OTUD7A: variants seen among roughly 807,000 people sequenced by gnomAD.
The protein encoded by OTUD7A is OTU deubiquitinase 7A.
In OTUD7A, 12 loss-of-function variants were observed where a neutral mutation model predicts 65.7. That is an observed-to-expected ratio of 0.18 (90% CI 0.12 to 0.30). The LOEUF (loss-of-function observed/expected upper bound fraction) is 0.30. OTUD7A is among the 10% of genes least tolerant of loss of function. OTUD7A has a pLI of 1.00. For synonymous variants in OTUD7A, 641 were observed against 586.3 expected (o/e 1.09, Z -1.35); for missense variants, 1,148 against 1,304.8 (o/e 0.88, Z 1.85).
intron 1 of OTUD7A, among the ~76,000 whole-genome samples, chr15:31,855,810 A>G (rs1425769211): frequency 1.3e-5 from 2 of 152,268 alleles, no homozygotes; most frequent in Non-Finnish European, 2.9e-5. Flanking sequence ...CAAATGCAAC[A>G]TTAATAAACA....
At chr15:31,540,889 C>T (rs538662394) in intron 5 of OTUD7A, among the ~76,000 whole-genome samples, 1 of 152,270 alleles carries the variant, frequency 6.6e-6, no homozygotes, top group South Asian at 2.1e-4. Context: ...ACACAGAGTG[C>T]CTGGTGCTGC....
At chr15:31,746,289 AAATG>A (rs2141378376) in intron 1 of OTUD7A, among the ~76,000 whole-genome samples, 1 of 152,318 alleles carries the variant, frequency 6.6e-6, no homozygotes, top group East Asian at 1.9e-4. Flanking sequence ...AAAACAACCC[AAATG>A]TCCATCAAGA....
chr15:31,736,788 C>T (rs1277915186), intron 1 of OTUD7A, among the ~76,000 whole-genome samples: 1 of 149,964 alleles, frequency 6.7e-6, no homozygotes, highest in Non-Finnish European at 1.5e-5. Context: ...ATTTGTATGA[C>T]TTTGTATTTG....
chr15:31,748,346 A>T (rs1381597507), intron 1 of OTUD7A, among the ~76,000 whole-genome samples: 2 of 151,862 alleles, frequency 1.3e-5, no homozygotes, highest in African/African-American at 2.4e-5. Flanking sequence ...CACACATATA[A>T]ATATATATTC....
Position 31,805,410 on chromosome 15 carries a change from C to T in OTUD7A, c.-100+65097G>A, listed in dbSNP as rs537813260. Among the ~76,000 whole-genome samples the T allele has an allele frequency of 7.2e-5, 11 of 152,310 alleles. No individual in the cohort carries two copies. The South Asian group carries it at 2.3e-3, about 32-fold the overall frequency. On this transcript the variant is annotated intron_variant, in intron 1 of 12. Coordinates refer to ENST00000307050, the MANE Select transcript of OTUD7A (RefSeq NM_001382637.1). ...CAGGGCCCACTGAATGCCTGGGATG[C>T]CAGCCGACCTCACAGGGCCCTGTAT...
rs1411505615 is a variant in OTUD7A, at chr15:31,566,316, A to G, written c.331+3702T>C. ...ATGTAAACATTGTGTATGGGAAAATATTCTGAAAAGAAAGTCATAAGGCAA... is the reference window on the plus strand; with the variant it reads ...ATGTAAACATTGTGTATGGGAAAATGTTCTGAAAAGAAAGTCATAAGGCAA... On this transcript the variant is annotated intron_variant, in intron 4 of 12. Coordinates refer to ENST00000307050, the MANE Select transcript of OTUD7A (RefSeq NM_001382637.1). Among the ~76,000 whole-genome samples the G allele has an allele frequency of 3.9e-5, 6 of 152,240 alleles. 1 individual carries two copies. The South Asian group carries it at 1.2e-3, about 32-fold the overall frequency.
intron 1 of OTUD7A, among the ~76,000 whole-genome samples, chr15:31,684,079 C>T (rs542115177): frequency 1.2e-4 from 18 of 152,298 alleles, no homozygotes; most frequent in African/African-American, 2.6e-4. Flanking sequence ...ACAAAGAAAA[C>T]GATTTTGCTA....
At chr15:31,528,006 G>A (rs1187330902) in intron 6 of OTUD7A, among the ~76,000 whole-genome samples, 1 of 152,184 alleles carries the variant, frequency 6.6e-6, no homozygotes, top group African/African-American at 2.4e-5. Context: ...GGAAAACACA[G>A]GGGAATCCAT....
intron 1 of OTUD7A, among the ~76,000 whole-genome samples, chr15:31,783,282 C>T (rs896715595): frequency 6.6e-6 from 1 of 152,150 alleles, no homozygotes; most frequent in Non-Finnish European, 1.5e-5. Flanking sequence ...AGGGGACAAT[C>T]TCTCCCCCGT....
chr15:31,662,274 G>A (rs1743290470), intron 1 of OTUD7A, among the ~76,000 whole-genome samples: 1 of 152,148 alleles, frequency 6.6e-6, no homozygotes, highest in Admixed American at 6.5e-5. Context: ...GTCACCCAGT[G>A]GTAGACACCT....
intron 8 of OTUD7A, among the ~76,000 whole-genome samples, chr15:31,522,136 A>G (rs754601559): frequency 1.3e-5 from 2 of 152,186 alleles, no homozygotes; most frequent in Non-Finnish European, 2.9e-5. Context: ...ATGGTTAGAT[A>G]GCTGGTTAAA....
At chr15:31,620,203 A>T (rs1890734211) in intron 3 of OTUD7A, among the ~76,000 whole-genome samples, 1 of 152,186 alleles carries the variant, frequency 6.6e-6, no homozygotes, top group South Asian at 2.1e-4. Context: ...ATCGATGTTC[A>T]TCAGGGATAT....
chr15:31,530,327 C>T (rs559818497), intron 6 of OTUD7A, among the ~76,000 whole-genome samples: 31 of 152,326 alleles, frequency 2.0e-4, no homozygotes, highest in African/African-American at 3.1e-4. Flanking sequence ...GCTTTATCTG[C>T]AGGGTCTCCC....
chr15:31,753,005 G>C (rs1000922288), intron 1 of OTUD7A, among the ~76,000 whole-genome samples: 2 of 152,058 alleles, frequency 1.3e-5, no homozygotes, highest in African/African-American at 4.8e-5. Context: ...TGTAGTCAAG[G>C]GTCAATATTT....
At chr15:31,700,330 G>A (rs1031180371) in intron 1 of OTUD7A, among the ~76,000 whole-genome samples, 1 of 151,904 alleles carries the variant, frequency 6.6e-6, no homozygotes, top group African/African-American at 2.4e-5. Flanking sequence ...CTCTAGTCTT[G>A]TTCTCTTTTC....
chr15:31,774,226 C>T (rs781722835), intron 1 of OTUD7A, among the ~76,000 whole-genome samples: 9 of 152,340 alleles, frequency 5.9e-5, no homozygotes, highest in Admixed American at 1.3e-4. Context: ...CAAATTCTGA[C>T]GAGCAAGGTG....
chr15:31,811,816 C>G (rs901008135), intron 1 of OTUD7A, among the ~76,000 whole-genome samples: 33 of 152,228 alleles, frequency 2.2e-4, no homozygotes, highest in Admixed American at 5.9e-4. Flanking sequence ...GCCAGAACAC[C>G]ATGTTCCCTG....
chr15:31,594,483 T>G (rs762836494), intron 3 of OTUD7A, among the ~76,000 whole-genome samples: 5 of 152,138 alleles, frequency 3.3e-5, no homozygotes, highest in Middle Eastern at 3.2e-3. Context: ...ACAGTGTCTG[T>G]GTATGCCAGG....
At chr15:31,567,312 G>A (rs913387305) in intron 4 of OTUD7A, among the ~76,000 whole-genome samples, 1 of 152,226 alleles carries the variant, frequency 6.6e-6, no homozygotes, top group Non-Finnish European at 1.5e-5. Flanking sequence ...CTAGGGATCT[G>A]TGGAAGTCTG....
Sources: allele counts gnomAD v4.1 joint callset (sites outside exome capture counted in the v4.1 genomes callset), GRCh38; gene constraint gnomAD v4.1.1; transcripts MANE v1.5; gene names NCBI Gene and HGNC (gene_info 2026-07-23, HGNC 2026-07-21).